Variants in PIKFYVE observed in about 807,000 individuals in gnomAD.
The protein encoded by PIKFYVE is phosphoinositide kinase, FYVE-type zinc finger containing.
A neutral mutation model predicts 257.9 loss-of-function variants in PIKFYVE; 122 were observed. The ratio of observed to expected loss-of-function variants is 0.47; its 90% CI spans 0.41 to 0.55. PIKFYVE has a LOEUF of 0.55. Ranked by LOEUF, PIKFYVE falls within the 20% of genes least tolerant of loss-of-function variation. The probability of loss-of-function intolerance (pLI) is 0.00; values close to 1 mark genes in which losing one functional copy is unlikely to be tolerated. For missense variants in PIKFYVE, 2,160 were observed against 2,536.6 expected, an observed-to-expected ratio of 0.85 and a Z score of 3.19; for synonymous variants, 892 against 868.9, an observed-to-expected ratio of 1.03 and a Z score of -0.47.
chr2:208,336,151 A>G lies in PIKFYVE; in HGVS notation c.4471A>G (p.Ile1491Val). ...QQLQSVFESL[I>V]AKKQSLCEVL... ...ACTGCAGTCGGTCTTTGAGTCACTC[A>G]TTGCCAAGAAACAAAGTCTCTGTGA... The change falls in exon 27 of 42, where the codon ATT becomes GTT. Residue 1491 changes from isoleucine to valine, a missense_variant. Physicochemically the swap from Ile to Val is conservative, Grantham distance 29. This residue lies in a region of PIKFYVE where 699 missense variants were observed against 855.8 expected (regional missense o/e 0.82). Transcript: ENST00000264380. 6.2e-7 allele frequency: 1 copy of G among 1,614,092 alleles called. No homozygotes were observed. Among genetic ancestry groups the G allele is most frequent in the Non-Finnish European group, 8.5e-7 (1 of 1,179,966 alleles).
chr2:208,298,544 G>GTATT, intron 7 of PIKFYVE, 97 bp from the exon 8 acceptor site: 1 of 1,375,652 alleles, frequency 7.3e-7, no homozygotes, highest in Non-Finnish European at 1.0e-6. Flanking sequence ...CTTAACATTG[G>GTATT]TAAATAAGCA....
intron 12 of PIKFYVE, among the ~76,000 whole-genome samples, chr2:208,309,819 C>T (rs535727580): frequency 2.0e-5 from 3 of 152,252 alleles, no homozygotes; most frequent in African/African-American, 7.2e-5. Flanking sequence ...GTTATATAGA[C>T]TTGGGGACTT....
chr2:208,316,674 A>G (rs1695560809), intron 15 of PIKFYVE, among the ~76,000 whole-genome samples: 2 of 152,248 alleles, frequency 1.3e-5, no homozygotes, highest in African/African-American at 4.8e-5. Context: ...CGCATCGCCA[A>G]GTCAATCCTA....
In PIKFYVE at chr2:208,320,282, C is replaced by A; in HGVS notation, c.2113C>A (p.Leu705Ile). The A allele has an allele frequency of 6.2e-7, 1 of 1,611,560 alleles. No individual in the cohort carries two copies. Among genetic ancestry groups the A allele is most frequent in the Non-Finnish European group, 8.5e-7 (1 of 1,178,524 alleles). Reference sequence around the variant, plus strand: ...TTCTTGTATTAAAAACCCCAAAATTCTTCTGTTGAAGTGTTCCATTGAGTA... The same window carrying A: ...TTCTTGTATTAAAAACCCCAAAATTATTCTGTTGAAGTGTTCCATTGAGTA... ...MSSCIKNPKI[L>I]LLKCSIEYLY... Residue 705 changes from leucine (L) to isoleucine (I), a missense_variant, in exon 17 of 42, where the codon CTT becomes ATT. Around this residue, in one of 12 missense-constraint regions of PIKFYVE, gnomAD observed 346 missense variants for 365.6 expected, o/e 0.95. Transcript: ENST00000264380.
chr2:208,273,763 CT>C, intron 3 of PIKFYVE, 30 bp downstream of exon 3: 1 of 1,612,606 alleles, frequency 6.2e-7, no homozygotes, highest in Non-Finnish European at 8.5e-7. Context: ...TCATTCCCTT[CT>C]ATATGCTAGA....
intron 17 of PIKFYVE, among the ~76,000 whole-genome samples, chr2:208,321,100 T>C (rs576445560): frequency 1.3e-5 from 2 of 152,310 alleles, no homozygotes; most frequent in African/African-American, 4.8e-5. Flanking sequence ...AAGGTACCAA[T>C]TATTATTTTT....
intron 35 of PIKFYVE, among the ~76,000 whole-genome samples, chr2:208,349,633 T>C (rs1699583321): frequency 6.6e-6 from 1 of 151,680 alleles, no homozygotes; most frequent in African/African-American, 2.4e-5. Flanking sequence ...TATAGCTTAG[T>C]ACATGATAAA....
chr2:208,274,030 T>A, intron 3 of PIKFYVE: 1 of 1,612,250 alleles, frequency 6.2e-7, no homozygotes, highest in Non-Finnish European at 8.5e-7. Context: ...GACAACAGTT[T>A]GCAACATCCC....
chr2:208,326,547 C>A (rs1696943006), intron 20 of PIKFYVE, 118 bp downstream of exon 20: 4 of 1,117,858 alleles, frequency 3.6e-6, no homozygotes, highest in Non-Finnish European at 5.3e-6. Flanking sequence ...AATATTTCTT[C>A]TCCTATGCTA....
At chr2:208,298,496 T>C in intron 7 of PIKFYVE, 145 bp from the exon 8 acceptor site, 2 of 1,016,384 alleles carry the variant, frequency 2.0e-6, no homozygotes, top group Non-Finnish European at 2.9e-6. Flanking sequence ...CCAATGATAA[T>C]ATCATGCATA....
intron 12 of PIKFYVE, among the ~76,000 whole-genome samples, chr2:208,310,133 A>G (rs911405444): frequency 1.3e-5 from 2 of 152,122 alleles, no homozygotes; most frequent in Non-Finnish European, 2.9e-5. Flanking sequence ...TGAGTGTTAT[A>G]GTCAAGATGA....
At chr2:208,284,053 G>A (rs4675747) in intron 5 of PIKFYVE, among the ~76,000 whole-genome samples, 144,925 of 152,286 alleles carry the variant, frequency 0.95, 69,236 homozygotes, top group East Asian at 1. Context: ...AATTTTAGGT[G>A]GAATTATTAA....
intron 29 of PIKFYVE, 70 bp downstream of exon 29, chr2:208,338,638 A>G: frequency 2.0e-6 from 3 of 1,500,102 alleles, no homozygotes; most frequent in South Asian, 2.3e-5. Flanking sequence ...AAGTTGTTTT[A>G]AACTGTTTGA....
chr2:208,299,350 C>T (rs540901909), intron 8 of PIKFYVE, among the ~76,000 whole-genome samples: 4 of 151,318 alleles, frequency 2.6e-5, no homozygotes, highest in African/African-American at 9.7e-5. Context: ...AGTGCAGTGG[C>T]GCAATCTCGG....
At chr2:208,307,123 C>T (rs1045784159) in intron 12 of PIKFYVE, among the ~76,000 whole-genome samples, 4 of 152,100 alleles carry the variant, frequency 2.6e-5, no homozygotes, top group Non-Finnish European at 4.4e-5. Context: ...TAAGTGGCAA[C>T]TTTCGTAGGA....
Position 208,325,659 on chromosome 2 carries a change from G to T in PIKFYVE, c.2848G>T (p.Val950Phe). The change falls in exon 20 of 42, where the codon GTT becomes TTT. Residue 950 changes from valine (V) to phenylalanine (F), a missense_variant. Physicochemically the swap from Val to Phe is conservative, Grantham distance 50. Transcript: ENST00000264380. ...EQENKNLPQA[V>F]ASVKHQEHST... The stretch of plus-strand genomic sequence containing the variant: ...GGAAAATAAAAATCTTCCGCAGGCT[G>T]TTGCCTCTGTGAAGCATCAAGAACA... 1.2e-6 allele frequency: 2 copies of T among 1,614,164 alleles called. No homozygotes were observed. Among genetic ancestry groups the T allele is most frequent in the South Asian group, 1.1e-5 (1 of 91,076 alleles).
chr2:208,319,390 A>T (rs1392548000), intron 16 of PIKFYVE, among the ~76,000 whole-genome samples: 1 of 152,210 alleles, frequency 6.6e-6, no homozygotes, highest in African/African-American at 2.4e-5. Context: ...ATTACCCTTT[A>T]AAGGAGAACT....
In PIKFYVE at chr2:208,338,429, T is replaced by G. The variant is rs1698381577; in HGVS notation, c.4612-79T>G. On this transcript the variant is annotated intron_variant, in intron 28 of 41. Coordinates refer to ENST00000264380, the MANE Select transcript of PIKFYVE (RefSeq NM_015040.4). Reference sequence around the variant, plus strand: ...AAATGGGTCCTGAGACCAAAAAGTTTAAGATTCACTGGATTAAAAAATTTT... The same window carrying G: ...AAATGGGTCCTGAGACCAAAAAGTTGAAGATTCACTGGATTAAAAAATTTT... The G allele has an allele frequency of 2.2e-6, 3 of 1,374,752 alleles. No homozygotes were observed. The Admixed American group carries it at 5.2e-5, about 24-fold the overall frequency. The allele number at this position is 1,374,752 out of a possible 1,614,324, so 85.2% of individuals were successfully genotyped here.
rs1396878019 is a variant in PIKFYVE, at chr2:208,342,560, A to G, written c.4938A>G (p.Pro1646=). The change falls in exon 32 of 42, where the codon CCA becomes CCG. Residue 1646 remains proline, a synonymous_variant. Coordinates refer to ENST00000264380, the MANE Select transcript of PIKFYVE (RefSeq NM_015040.4). ...SYNPIPFPFD[P]DKHYLMYEHE... ...ATTTTAAAAATTTGCATAGTGATCCAGATAAACACTACTTAATGTATGAAC... is the reference window on the plus strand; with the variant it reads ...ATTTTAAAAATTTGCATAGTGATCCGGATAAACACTACTTAATGTATGAAC... The G allele has an allele frequency of 1.9e-6, 3 of 1,612,924 alleles. No homozygotes were observed. In the African/African-American group the frequency reaches 4.0e-5, roughly 22 times the overall value.
Sources: gnomAD v4.1 joint callset for allele counts (sites outside exome capture counted in the v4.1 genomes callset) on GRCh38, gnomAD v4.1.1 for gene constraint, gnomAD v4.1.1 regional missense constraint, MANE v1.5 for transcripts, NCBI Gene and HGNC (gene_info 2026-07-23, HGNC 2026-07-21) for gene names.